Variants in FANCL observed in about 807,000 individuals in gnomAD.
FANCL encodes the protein FA complementation group L.
In FANCL, 69 loss-of-function variants were observed where a neutral mutation model predicts 59.4. The ratio of observed to expected loss-of-function variants is 1.16; its 90% confidence interval spans 0.96 to 1.42. The LOEUF is 1.42. FANCL is among the 40% of genes most tolerant of loss of function. FANCL has a pLI of 0.00. For synonymous variants in FANCL, 180 were observed against 147.1 expected, an observed-to-expected ratio of 1.22 and a Z score of -1.62; for missense variants, 519 against 447.2, an observed-to-expected ratio of 1.16 and a Z score of -1.45.
rs1694517921 is a variant in FANCL at position 58,241,257 on chromosome 2, G to A, written c.57C>T (p.Asn19=). 1.9e-6 allele frequency: 3 copies of A among 1,614,160 alleles called. No individual in the cohort carries two copies. The highest frequency in any genetic ancestry group is 3.3e-5 in the Admixed American group (2 of 60,014). The change falls in exon 1 of 14, where the codon AAC becomes AAT. Residue 19 remains asparagine, a synonymous_variant. Coordinates refer to ENST00000233741, the MANE Select transcript of FANCL (RefSeq NM_018062.4). ...ATCCCTCATACACGGTTTTCGACCG[G>A]TTCTGGGGCAGAAGCAGGGGGCACT... ...LRQCPLLLPQ[N]RSKTVYEGFI... is the part of the protein sequence containing the mutation.
intron 5 of FANCL, among the ~76,000 whole-genome samples, chr2:58,221,177 G>C (rs1232609526): frequency 6.6e-6 from 1 of 151,576 alleles, no homozygotes; most frequent in Non-Finnish European, 1.5e-5. Context: ...AACAGAGCGA[G>C]ACTCGGTCTC....
At position 58,218,612 on chromosome 2, in the gene FANCL, T is replaced by C. The variant is rs1449388148; in HGVS notation, c.374+3330A>G. The stretch of plus-strand genomic sequence containing the variant: ...AGTAACTGAAAATGAGTGAAGCCTA[T>C]AAAGGCAAAAAAAAAAAAACTATAA... On this transcript the variant is annotated intron_variant, in intron 5 of 13. Transcript: ENST00000233741. Among the ~76,000 whole-genome samples, 3 of 145,410 alleles carry C rather than the reference T, an allele frequency of 2.1e-5. No homozygotes were observed. In the East Asian group the frequency reaches 6.0e-4, roughly 29 times the overall value.
intron 7 of FANCL, chr2:58,194,277 G>C: frequency 2.1e-6 from 1 of 470,972 alleles, no homozygotes; most frequent in Non-Finnish European, 4.4e-6. Flanking sequence ...CAGTGACCTG[G>C]ACAAAAGGAA....
Position 58,198,606 on chromosome 2 carries a change from G to A in FANCL, c.528C>T (p.Ser176=), listed in dbSNP as rs764969578. ...GAGGAGAATTTACCTGAGGTGTCCA[G>A]GAGGCACAAAATGGAACAGGAAAAT... ...FVDFPVPFCA[S]WTPQSSLISI... is the part of the protein sequence containing the mutation. Residue 176 remains serine (S), a synonymous_variant, in exon 7 of 14, where the codon TCC becomes TCT. Coordinates refer to ENST00000233741, the MANE Select transcript of FANCL (RefSeq NM_018062.4). 1 of 1,613,632 alleles carries A rather than the reference G, an allele frequency of 6.2e-7. No homozygotes were observed. Among genetic ancestry groups the A allele is most frequent in the South Asian group, 1.1e-5 (1 of 91,066 alleles).
Position 58,198,587 on chromosome 2 carries a change from AAT to A in FANCL, c.540+5_540+6del. On this transcript the variant is annotated splice_donor_5th_base_variant and intron_variant, in intron 7 of 13. Transcript: ENST00000233741. The stretch of plus-strand genomic sequence containing the variant: ...CAAATTTAAGAATTTACCTGAGGAG[AAT>A]TTACCTGAGGTGTCCAGGAGGCACA... 1 of 1,610,978 alleles carries A rather than the reference AAT, an allele frequency of 6.2e-7. No homozygotes were observed.
Position 58,179,835 on chromosome 2 carries a change from C to A in FANCL, c.541-13961G>T, listed in dbSNP as rs750612884. Among the ~76,000 whole-genome samples the A allele has an allele frequency of 3.9e-5, 6 of 151,966 alleles. No homozygotes were observed. In the South Asian group the frequency reaches 8.3e-4, roughly 21 times the overall value. On this transcript the variant is annotated intron_variant, in intron 7 of 13. Coordinates refer to ENST00000233741, the MANE Select transcript of FANCL (RefSeq NM_018062.4). ...ATATTTCTGCAATCTATCCATCTGA[C>A]AAAGGGCTAATATCCAGAATCTACA...
At chr2:58,192,723 TA>T (rs1689051237) in intron 7 of FANCL, among the ~76,000 whole-genome samples, 1 of 151,804 alleles carries the variant, frequency 6.6e-6, no homozygotes. Context: ...AGATAATGCC[TA>T]AAACAAAAAG....
Position 58,161,576 on chromosome 2 carries a change from T to C in FANCL, c.966A>G (p.Gln322=). 6.2e-7 allele frequency: 1 copy of C among 1,611,714 alleles called. No homozygotes were observed. Among genetic ancestry groups the C allele is most frequent in the Non-Finnish European group, 8.5e-7 (1 of 1,178,148 alleles). ...AYQLDGTIPD[Q]VCDNSQCGQP... ...GTCCACACTGAGAATTATCACACAC[T>C]TGATCAGGAATGGTACCGTCAAGTT... Residue 322 remains glutamine (Q), a synonymous_variant, in exon 12 of 14, where the codon CAA becomes CAG. Coordinates refer to ENST00000233741, the MANE Select transcript of FANCL (RefSeq NM_018062.4).
intron 4 of FANCL, 60 bp from the exon 5 acceptor site, chr2:58,222,102 C>G: frequency 8.6e-7 from 1 of 1,164,822 alleles, no homozygotes; most frequent in Non-Finnish European, 1.3e-6. Flanking sequence ...ACTGTTAATA[C>G]CTGATTGCAA....
At chr2:58,176,458 C>T (rs1256397155) in intron 7 of FANCL, among the ~76,000 whole-genome samples, 1 of 151,930 alleles carries the variant, frequency 6.6e-6, no homozygotes, top group Non-Finnish European at 1.5e-5. Flanking sequence ...CAGAACAGAG[C>T]CCTCAGAAAT....
At position 58,159,421 on chromosome 2, in the gene FANCL, A is replaced by C; in HGVS notation, c.*344T>G. On this transcript the variant is annotated 3_prime_UTR_variant, in exon 14 of 14. Transcript: ENST00000233741. Reference sequence around the variant, plus strand: ...GAATGAAGTAAACAGTTTCCCACAAAAAATCAGCTATACACAATTCCCAAA... The same window carrying C: ...GAATGAAGTAAACAGTTTCCCACAACAAATCAGCTATACACAATTCCCAAA... 6.2e-7 allele frequency: 1 copy of C among 1,613,696 alleles called. No homozygotes were observed.
At chr2:58,182,115 T>C (rs1356265232) in intron 7 of FANCL, among the ~76,000 whole-genome samples, 1 of 151,890 alleles carries the variant, frequency 6.6e-6, no homozygotes, top group Non-Finnish European at 1.5e-5. Context: ...AACTTCTAAG[T>C]AAAATGTAGC....
intron 1 of FANCL, among the ~76,000 whole-genome samples, chr2:58,233,824 A>C (rs1558827661): frequency 6.6e-6 from 1 of 152,092 alleles, no homozygotes. Context: ...AAAGTCAAGG[A>C]GCCAGTCCTG....
chr2:58,198,524 G>C, intron 7 of FANCL, 70 bp downstream of exon 7: 1 of 1,312,592 alleles, frequency 7.6e-7, no homozygotes, highest in South Asian at 1.2e-5. Context: ...TCCCCCCATG[G>C]ATACTCTGGG....
chr2:58,160,198 AAAG>A lies in FANCL; in HGVS notation c.1021-22_1021-20del. 1.2e-6 allele frequency: 2 copies of A among 1,610,876 alleles called. No homozygotes were observed. The highest frequency in any genetic ancestry group is 8.5e-7 in the Non-Finnish European group (1 of 1,177,316). On this transcript the variant is annotated intron_variant, in intron 12 of 13. Coordinates refer to ENST00000233741, the MANE Select transcript of FANCL (RefSeq NM_018062.4). The stretch of plus-strand genomic sequence containing the variant: ...TCAGCCACTGCAAATTTTAAAAGAT[AAAG>A]GAGAAGCGTCAGCATGATTACAAAT...
chr2:58,176,810 C>T (rs1012084044), intron 7 of FANCL, among the ~76,000 whole-genome samples: 46 of 152,270 alleles, frequency 3.0e-4, no homozygotes, highest in African/African-American at 1.1e-3. Context: ...AGCTTCTACA[C>T]AGCAAAAGAA....
chr2:58,173,510 C>G (rs1686904769), intron 7 of FANCL, among the ~76,000 whole-genome samples: 1 of 152,050 alleles, frequency 6.6e-6, no homozygotes, highest in Non-Finnish European at 1.5e-5. Flanking sequence ...GAATTTTCAA[C>G]CCAGAATTTC....
chr2:58,224,805 G>C (rs529352787), intron 4 of FANCL, among the ~76,000 whole-genome samples: 1 of 151,938 alleles, frequency 6.6e-6, no homozygotes, highest in East Asian at 1.9e-4. Flanking sequence ...CAGAGTAAAA[G>C]TGATACAAGC....
At chr2:58,180,953 C>T (rs1257995290) in intron 7 of FANCL, among the ~76,000 whole-genome samples, 1 of 152,032 alleles carries the variant, frequency 6.6e-6, no homozygotes, top group Non-Finnish European at 1.5e-5. Flanking sequence ...ACTGAACTCT[C>T]ATATACTGTC....
Sources: gnomAD v4.1 joint callset for allele counts (sites outside exome capture counted in the v4.1 genomes callset) on GRCh38, gnomAD v4.1.1 for gene constraint, MANE v1.5 for transcripts, NCBI Gene and HGNC (gene_info 2026-07-23, HGNC 2026-07-21) for gene names.